The following GBF1 variants were observed in gnomAD, a reference collection of about 807,000 sequenced individuals.
GBF1 encodes golgi brefeldin A resistant guanine nucleotide exchange factor 1.
A neutral mutation model predicts 210.5 loss-of-function variants in GBF1; 114 were observed. The ratio of observed to expected loss-of-function variants is 0.54; its 90% CI spans 0.47 to 0.63. The LOEUF is 0.63. Ranked by LOEUF, GBF1 falls within the 30% of genes least tolerant of loss-of-function variation. The probability of loss-of-function intolerance (pLI) is 0.00; values close to 1 mark genes in which losing one functional copy is unlikely to be tolerated. For missense variants in GBF1, 1,851 were observed against 2,357.7 expected (o/e 0.79, Z 4.45); for synonymous variants, 850 against 889.2 (o/e 0.96, Z 0.78).
In GBF1 at chr10:102,359,022, C is replaced by T; in HGVS notation, c.1012-245C>T. The T allele has an allele frequency of 5.1e-6, 3 of 588,978 alleles. No homozygotes were observed. In the South Asian group the frequency reaches 6.2e-5, roughly 12 times the overall value. 36.5% of individuals were successfully genotyped at this position (588,978 alleles called of 1,614,324 possible). The stretch of plus-strand genomic sequence containing the variant: ...GAAGGTAATGATCCAAATCCTAAGC[C>T]TGTGAGAGGCTCTGTGTCTCTAAGG... On this transcript the variant is annotated intron_variant, in intron 10 of 39. Transcript: ENST00000369983.
intron 4 of GBF1, among the ~76,000 whole-genome samples, chr10:102,347,302 C>T (rs1029594273): frequency 6.6e-6 from 1 of 152,238 alleles, no homozygotes; most frequent in African/African-American, 2.4e-5. Flanking sequence ...TGGGTACCAA[C>T]TAGCTTCTGA....
At chr10:102,332,011 C>T (rs1161350867) in intron 3 of GBF1, among the ~76,000 whole-genome samples, 1 of 151,954 alleles carries the variant, frequency 6.6e-6, no homozygotes, top group African/African-American at 2.4e-5. Flanking sequence ...AGGCGTCTGC[C>T]ATCACGCCCA....
At chr10:102,235,016 AC>A in the GBF1 span, among the ~76,000 whole-genome samples, 1 of 151,990 alleles carries the variant, frequency 6.6e-6, no homozygotes, top group Non-Finnish European at 1.5e-5. Flanking sequence ...CATAATAAGC[AC>A]TTGGACTTGG....
chr10:102,351,346 A>T lies in GBF1; in HGVS notation c.386A>T (p.Asp129Val), dbSNP rs1369211250. The T allele has an allele frequency of 6.2e-7, 1 of 1,602,284 alleles. No homozygotes were observed. Among genetic ancestry groups the T allele is most frequent in the Non-Finnish European group, 8.6e-7 (1 of 1,169,196 alleles). Reference protein sequence around the residue: ...ARFVGTDPASDEVVLMKILQV... With the variant: ...ARFVGTDPASVEVVLMKILQV... ...TTTGTGGGCACGGATCCTGCCAGTGATGAAGTTGTCCTGATGAAAATCCTT... is the reference window on the plus strand; with the variant it reads ...TTTGTGGGCACGGATCCTGCCAGTGTTGAAGTTGTCCTGATGAAAATCCTT... The change falls in exon 5 of 40, where the codon GAT becomes GTT. Residue 129 changes from aspartate to valine, a missense_variant. Physicochemically the swap from Asp to Val is radical, Grantham distance 152. This residue lies in a region of GBF1 where 804 missense variants were observed against 958.6 expected (regional missense o/e 0.84). Transcript: ENST00000369983.
chr10:102,369,214 A>G lies in GBF1; in HGVS notation c.2977A>G (p.Ile993Val), dbSNP rs1416404351. 2.5e-6 allele frequency: 4 copies of G among 1,610,218 alleles called. No homozygotes were observed. The highest frequency in any genetic ancestry group is 3.4e-6 in the Non-Finnish European group (4 of 1,176,668). The change falls in exon 24 of 40, where the codon ATT becomes GTT. Residue 993 changes from isoleucine to valine, a missense_variant. By Grantham distance (29) the Ile-to-Val change is conservative (BLOSUM62 3). This residue lies in a region of GBF1 where 967 missense variants were observed against 1,247.7 expected (regional missense o/e 0.78). Coordinates refer to ENST00000369983, the MANE Select transcript of GBF1 (RefSeq NM_001377137.1). The part of the protein sequence containing the change: ...CKFTALSSES[I>V]ENLPSVFGSN... ...CTGTTCTCTTCCTCTTTTCCAGTCT[A>G]TTGAGAACCTGCCCAGTGTATTTGG... is the stretch of plus-strand genomic sequence containing the variant.
At chr10:102,368,495 C>CACAGAGCTAG in intron 22 of GBF1, 41 bp downstream of exon 22, 2 of 1,099,518 alleles carry the variant, frequency 1.8e-6, no homozygotes, top group Non-Finnish European at 2.8e-6. Flanking sequence ...CCCACTAGCT[C>CACAGAGCTAG]TGTGAGCTAA....
chr10:102,306,679 C>T (rs560871128), intron 3 of GBF1, among the ~76,000 whole-genome samples: 1 of 152,334 alleles, frequency 6.6e-6, no homozygotes, highest in Admixed American at 6.5e-5. Flanking sequence ...CCACCTGGGC[C>T]TCCCAAAGTG....
chr10:102,362,050 C>CTTTT (rs1164670758), intron 14 of GBF1, 138 bp downstream of exon 14: 1,105 of 124,470 alleles, frequency 8.9e-3, no homozygotes, highest in Middle Eastern at 0.017. Context: ...CTTTTCTTTT[C>CTTTT]TTTTTTTTTT....
intron 3 of GBF1, among the ~76,000 whole-genome samples, chr10:102,279,315 A>C (rs1394624703): frequency 6.6e-6 from 1 of 152,234 alleles, no homozygotes; most frequent in Non-Finnish European, 1.5e-5. Context: ...AACCAACAGC[A>C]TAAGTGCTTT....
At chr10:102,380,723 C>T in intron 38 of GBF1, 37 bp downstream of exon 38, 7 of 1,525,908 alleles carry the variant, frequency 4.6e-6, no homozygotes, top group Non-Finnish European at 6.3e-6. Context: ...AAAAGAGTCT[C>T]CTGCCTGGGC....
chr10:102,369,191 G>C lies in GBF1; in HGVS notation c.2974-20G>C. 9 of 1,589,994 alleles carry C rather than the reference G, an allele frequency of 5.7e-6. No individual in the cohort carries two copies. Among genetic ancestry groups the C allele is most frequent in the Non-Finnish European group, 7.8e-6 (9 of 1,158,564 alleles). On this transcript the variant is annotated intron_variant, in intron 23 of 39. Transcript: ENST00000369983. ...CAGACATTAGCTCGGCCTTAAGTCT[G>C]TTCTCTTCCTCTTTTCCAGTCTATT...
chr10:102,271,711 A>G (rs2074439915), intron 3 of GBF1, among the ~76,000 whole-genome samples: 1 of 152,034 alleles, frequency 6.6e-6, no homozygotes, highest in African/African-American at 2.4e-5. Flanking sequence ...TATTTTATAG[A>G]TGATACTATG....
chr10:102,260,473 C>CTCTTTTTTTT (rs2073056936), intron 3 of GBF1, among the ~76,000 whole-genome samples: 12 of 74,788 alleles, frequency 1.6e-4, no homozygotes, highest in African/African-American at 7.7e-4. Context: ...ATTTTCCTTT[C>CTCTTTTTTTT]TTCTTTTTTT....
At chr10:102,351,479 C>T (rs2058975240) in intron 5 of GBF1, 105 bp downstream of exon 5, 2 of 725,392 alleles carry the variant, frequency 2.8e-6, no homozygotes, top group Non-Finnish European at 4.9e-6. Flanking sequence ...TCCACTGGGG[C>T]TTAGGGGAGC....
Position 102,361,897 on chromosome 10 carries a change from A to T in GBF1, c.1671A>T (p.Thr557=), listed in dbSNP as rs201355501. 2.7e-5 allele frequency: 44 copies of T among 1,604,440 alleles called. No homozygotes were observed. The African/African-American group carries it at 4.8e-4, about 18-fold the overall frequency. The stretch of plus-strand genomic sequence containing the variant: ...GTTCCAACCTCTTTGAGGAACTCAC[A>T]AAGCTGCTGTCCAAGGTGCTGAGCA... ...YYCSNLFEEL[T]KLLSKNAFPV... The change falls in exon 14 of 40, where the codon ACA becomes ACT. Residue 557 remains threonine, a synonymous_variant. Transcript: ENST00000369983.
intron 1 of GBF1, among the ~76,000 whole-genome samples, chr10:102,247,415 C>T (rs2070979870): frequency 6.6e-6 from 1 of 152,134 alleles, no homozygotes; most frequent in Non-Finnish European, 1.5e-5. Context: ...CCTCTCCCCG[C>T]CCCCAAGAAA....
At chr10:102,346,437 A>G (rs1028593267) in intron 4 of GBF1, among the ~76,000 whole-genome samples, 1 of 152,232 alleles carries the variant, frequency 6.6e-6, no homozygotes, top group Non-Finnish European at 1.5e-5. Context: ...GAGAATTTCT[A>G]CTTCCTTACC....
At chr10:102,359,083 T>C (rs2059447253) in intron 10 of GBF1, 184 bp from the exon 11 acceptor site, 2 of 609,366 alleles carry the variant, frequency 3.3e-6, no homozygotes, top group Admixed American at 2.9e-5. Context: ...CCTCAGGAGA[T>C]GTTTTTCTGA....
intron 3 of GBF1, among the ~76,000 whole-genome samples, chr10:102,293,225 A>T (rs907976716): frequency 3.3e-5 from 5 of 152,134 alleles, no homozygotes; most frequent in African/African-American, 1.2e-4. Flanking sequence ...TAATGGAGGT[A>T]AAAAAATTCC....
Sources: gnomAD v4.1 joint callset for allele counts (sites outside exome capture counted in the v4.1 genomes callset) on GRCh38, gnomAD v4.1.1 for gene constraint, gnomAD v4.1.1 regional missense constraint, MANE v1.5 for transcripts, NCBI Gene and HGNC (gene_info 2026-07-23, HGNC 2026-07-21) for gene names.